SDHAF3: variants seen among roughly 807,000 people sequenced by gnomAD.
SDHAF3 encodes succinate dehydrogenase assembly factor 3, mitochondrial.
SDHAF3 carries 18 observed loss-of-function variants against 11.5 expected under a neutral mutation model. That is an observed-to-expected ratio of 1.56 (90% CI 1.08 to 2.32). SDHAF3 has a LOEUF of 2.32. SDHAF3 is among the 30% of genes most tolerant of loss of function. The pLI is 0.00. For missense variants in SDHAF3, 200 were observed against 154.4 expected (o/e 1.30, Z -1.57); for synonymous variants, 72 against 59.3 (o/e 1.21, Z -0.99).
intron 1 of SDHAF3, among the ~76,000 whole-genome samples, chr7:97,169,624 T>C (rs1346438605): frequency 6.6e-6 from 1 of 152,090 alleles, no homozygotes; most frequent in Non-Finnish European, 1.5e-5. Context: ...TCCTTTAGTT[T>C]ATATAATTTT....
chr7:97,117,795 C>G lies in SDHAF3; in HGVS notation c.72C>G (p.Pro24=), dbSNP rs1465892515. The change falls in exon 1 of 2, where the codon CCC becomes CCG. Residue 24 remains proline, a synonymous_variant. Coordinates refer to ENST00000432641, the MANE Select transcript of SDHAF3 (RefSeq NM_020186.3). The part of the protein sequence containing the change: ...KRVLQLHRVL[P]PDLKSLGDQY... ...TCTTGCAGCTGCACCGTGTTCTGCCCCCGGACCTCAAATCCCTGGGCGACC... is the reference window on the plus strand; with the variant it reads ...TCTTGCAGCTGCACCGTGTTCTGCCGCCGGACCTCAAATCCCTGGGCGACC... 6.2e-7 allele frequency: 1 copy of G among 1,614,058 alleles called. No homozygotes were observed. The highest frequency in any genetic ancestry group is 1.3e-5 in the African/African-American group (1 of 74,904).
chr7:97,132,060 A>G (rs1791678945), intron 1 of SDHAF3, among the ~76,000 whole-genome samples: 1 of 152,168 alleles, frequency 6.6e-6, no homozygotes, highest in Admixed American at 6.5e-5. Flanking sequence ...TTTCTTGATT[A>G]TCTGTAAAAA....
chr7:97,153,350 G>A (rs1013006312), intron 1 of SDHAF3, among the ~76,000 whole-genome samples: 6 of 152,116 alleles, frequency 3.9e-5, no homozygotes, highest in African/African-American at 7.2e-5. Flanking sequence ...GGTAATATGC[G>A]TTTAAGTTTC....
intron 1 of SDHAF3, among the ~76,000 whole-genome samples, chr7:97,171,333 A>G (rs1025130350): frequency 8.5e-5 from 13 of 152,174 alleles, no homozygotes; most frequent in African/African-American, 3.1e-4. Context: ...ATTAAAGAAT[A>G]CAAATAATTT....
intron 1 of SDHAF3, among the ~76,000 whole-genome samples, chr7:97,149,148 T>A (rs80277691): frequency 0.011 from 1,735 of 152,084 alleles, 36 homozygotes; most frequent in African/African-American, 0.04. Flanking sequence ...TTACCCAGGT[T>A]TTGGTCTTGA....
At chr7:97,118,864 A>C (rs553135718) in intron 1 of SDHAF3, among the ~76,000 whole-genome samples, 1 of 152,310 alleles carries the variant, frequency 6.6e-6, no homozygotes, top group Non-Finnish European at 1.5e-5. Flanking sequence ...TAATTATTGA[A>C]GCTTTTAAGA....
At chr7:97,122,667 T>G (rs1791519825) in intron 1 of SDHAF3, among the ~76,000 whole-genome samples, 1 of 152,062 alleles carries the variant, frequency 6.6e-6, no homozygotes, top group Admixed American at 6.6e-5. Flanking sequence ...TGAGTTCAGT[T>G]TGGTGTGCTT....
rs565365168 is a variant in SDHAF3 at position 97,150,858 on chromosome 7, G to A, written c.175-30154G>A. On this transcript the variant is annotated intron_variant, in intron 1 of 1. Coordinates refer to ENST00000432641, the MANE Select transcript of SDHAF3 (RefSeq NM_020186.3). ...ATTACAGGTGTGAGCCACCGCACCC[G>A]GCCTAGGAATCTTTTTCTGATCAGT... Among the ~76,000 whole-genome samples the A allele has an allele frequency of 4.8e-3, 727 of 152,058 alleles. 5 individuals carry two copies. The highest frequency in any genetic ancestry group is 0.017 in the African/African-American group (690 of 41,490).
chr7:97,135,933 C>T (rs1043434795), intron 1 of SDHAF3, among the ~76,000 whole-genome samples: 17 of 151,640 alleles, frequency 1.1e-4, no homozygotes, highest in Admixed American at 2.6e-4. Context: ...GTGATCCGCC[C>T]GCCTCGGCCT....
chr7:97,129,480 A>G (rs1021953244), intron 1 of SDHAF3, among the ~76,000 whole-genome samples: 7 of 152,288 alleles, frequency 4.6e-5, no homozygotes, highest in Non-Finnish European at 8.8e-5. Flanking sequence ...ATTATGGATT[A>G]TTCCTTTTAA....
chr7:97,180,700 T>C (rs796905746), intron 1 of SDHAF3, among the ~76,000 whole-genome samples: 1 of 152,186 alleles, frequency 6.6e-6, no homozygotes. Context: ...CTTGTGTAAA[T>C]ACAATTTTGC....
In SDHAF3 at chr7:97,117,826, G is replaced by T. The variant is rs1348468234; in HGVS notation, c.103G>T (p.Val35Leu). The stretch of plus-strand genomic sequence containing the variant: ...CCTCAAATCCCTGGGCGACCAGTAC[G>T]TGAAAGACGAATTTAGGAGACATAA... ...PDLKSLGDQY[V>L]KDEFRRHKTV... The change falls in exon 1 of 2, where the codon GTG becomes TTG. Residue 35 changes from valine to leucine, a missense_variant. Coordinates refer to ENST00000432641, the MANE Select transcript of SDHAF3 (RefSeq NM_020186.3). 2 of 1,614,188 alleles carry T rather than the reference G, an allele frequency of 1.2e-6. No homozygotes were observed. The highest frequency in any genetic ancestry group is 1.3e-5 in the African/African-American group (1 of 75,032).
At chr7:97,131,811 G>A (rs967134397) in intron 1 of SDHAF3, among the ~76,000 whole-genome samples, 5 of 152,082 alleles carry the variant, frequency 3.3e-5, no homozygotes, top group Admixed American at 1.3e-4. Context: ...TGTGATTTAC[G>A]TACAAAGATG....
At chr7:97,174,116 A>G (rs1042665762) in intron 1 of SDHAF3, among the ~76,000 whole-genome samples, 1 of 151,576 alleles carries the variant, frequency 6.6e-6, no homozygotes, top group African/African-American at 2.4e-5. Context: ...ACAGGGTTTC[A>G]CCATGTTGGC....
At chr7:97,125,286 CTT>C (rs1240971124) in intron 1 of SDHAF3, among the ~76,000 whole-genome samples, 3 of 152,016 alleles carry the variant, frequency 2.0e-5, no homozygotes, top group Non-Finnish European at 4.4e-5. Context: ...TTTGTTTGCT[CTT>C]GTTTGCCTAG....
intron 1 of SDHAF3, among the ~76,000 whole-genome samples, chr7:97,157,476 G>T (rs1296004868): frequency 2.0e-5 from 3 of 152,126 alleles, no homozygotes; most frequent in Non-Finnish European, 4.4e-5. Flanking sequence ...AACAGGTGCT[G>T]GAGAGGATGT....
intron 1 of SDHAF3, among the ~76,000 whole-genome samples, chr7:97,176,724 C>G (rs1419382420): frequency 6.6e-6 from 1 of 152,100 alleles, no homozygotes; most frequent in Admixed American, 6.5e-5. Context: ...ATTTCTCACA[C>G]ATGAAATGTA....
chr7:97,138,467 A>G (rs1584215452), intron 1 of SDHAF3, among the ~76,000 whole-genome samples: 1 of 152,166 alleles, frequency 6.6e-6, no homozygotes, highest in Non-Finnish European at 1.5e-5. Context: ...CCCAGCCCTC[A>G]TTGGCTTTTG....
intron 1 of SDHAF3, among the ~76,000 whole-genome samples, chr7:97,167,312 G>A (rs919957479): frequency 6.6e-6 from 1 of 152,126 alleles, no homozygotes; most frequent in Non-Finnish European, 1.5e-5. Flanking sequence ...TGTGAAAAAG[G>A]TGCTCGCTTT....
Sources: gnomAD v4.1 joint callset for allele counts (sites outside exome capture counted in the v4.1 genomes callset) on GRCh38, gnomAD v4.1.1 for gene constraint, MANE v1.5 for transcripts, NCBI Gene and HGNC (gene_info 2026-07-23, HGNC 2026-07-21) for gene names.